ARHGAP21: variants seen among roughly 807,000 people sequenced by gnomAD.
ARHGAP21 encodes the protein rho GTPase-activating protein 21.
ARHGAP21 carries 38 observed loss-of-function variants against 164.6 expected under a neutral mutation model. That is an observed-to-expected ratio of 0.23 (90% CI 0.18 to 0.30). ARHGAP21 has a LOEUF of 0.30. Ranked by LOEUF, ARHGAP21 falls within the 10% of genes least tolerant of loss-of-function variation. The pLI is 1.00. For missense variants in ARHGAP21, 1,822 were observed against 2,370.7 expected, an observed-to-expected ratio of 0.77 and a Z score of 4.81; for synonymous variants, 766 against 857.9, an observed-to-expected ratio of 0.89 and a Z score of 1.87.
At chr10:24,647,857 C>A (rs1051200338) in intron 4 of ARHGAP21, among the ~76,000 whole-genome samples, 1 of 151,914 alleles carries the variant, frequency 6.6e-6, no homozygotes, top group Non-Finnish European at 1.5e-5. Context: ...TCTTTTTTCC[C>A]CAGACAGTCT....
chr10:24,722,226 C>T lies in ARHGAP21; in HGVS notation c.-327G>A. 1 of 372,470 alleles carries T rather than the reference C, an allele frequency of 2.7e-6. No individual in the cohort carries two copies. Among genetic ancestry groups the T allele is most frequent in the Non-Finnish European group, 5.1e-6 (1 of 195,136 alleles). The allele number at this position is 372,470 out of a possible 1,614,324, so 23.1% of individuals were successfully genotyped here. A position where few individuals can be genotyped will look rare whatever the true frequency, so the allele number is the denominator to read the frequency against. ...TTCTTCCCAGTGCCACTCCTGAGTC[C>T]TGGAAAAATCCGAATGGGTCGTGAA... On this transcript the variant is annotated 5_prime_UTR_variant, in exon 2 of 26. Transcript: ENST00000396432.
chr10:24,672,668 C>T (rs1209549521), intron 2 of ARHGAP21, among the ~76,000 whole-genome samples: 2 of 152,110 alleles, frequency 1.3e-5, no homozygotes, highest in Non-Finnish European at 2.9e-5. Context: ...ATTGCAAATG[C>T]TTGAATAGTC....
chr10:24,665,149 C>T (rs887666011), intron 4 of ARHGAP21, among the ~76,000 whole-genome samples: 1 of 152,090 alleles, frequency 6.6e-6, no homozygotes, highest in Non-Finnish European at 1.5e-5. Context: ...TTCCCTTTCC[C>T]CACTAAGGCT....
chr10:24,640,703 C>A (rs961480143), intron 4 of ARHGAP21, among the ~76,000 whole-genome samples: 5 of 151,954 alleles, frequency 3.3e-5, no homozygotes, highest in African/African-American at 7.3e-5. Context: ...GAAACCCCAA[C>A]ACAGACTGAA....
At chr10:24,612,699 A>T (rs1466016796) in intron 9 of ARHGAP21, among the ~76,000 whole-genome samples, 1 of 150,642 alleles carries the variant, frequency 6.6e-6, no homozygotes, top group South Asian at 2.2e-4. Context: ...CTAAAAATAC[A>T]AAAAAATTAG....
Position 24,619,685 on chromosome 10 carries a change from A to C in ARHGAP21, c.2210T>G (p.Leu737Arg), listed in dbSNP as rs148437259. Residue 737 changes from leucine to arginine, a missense_variant, in exon 9 of 26, where the codon CTA (leucine) becomes CGA (arginine). Leu to Arg is a moderately radical substitution (Grantham distance 102). Transcript: ENST00000396432. ...DTLDNKEAVI[L>R]REKPPSGRQT... ...GCGTCCAGATGGAGGTTTTTCCCTT[A>C]GGATGACAGCTTCTTTATTATCTAA... is the stretch of plus-strand genomic sequence containing the variant. 248 of 1,614,108 alleles carry C rather than the reference A, an allele frequency of 1.5e-4. No individual in the cohort carries two copies. The African/African-American group carries it at 3.1e-3, about 20-fold the overall frequency.
chr10:24,696,987 G>A (rs1401215452), intron 2 of ARHGAP21, among the ~76,000 whole-genome samples: 4 of 152,208 alleles, frequency 2.6e-5, no homozygotes, highest in Admixed American at 6.5e-5. Context: ...TAGGATCACA[G>A]AACAGCAGAG....
intron 2 of ARHGAP21, among the ~76,000 whole-genome samples, chr10:24,673,025 G>A (rs1840864775): frequency 1.3e-5 from 2 of 152,078 alleles, no homozygotes; most frequent in South Asian, 4.1e-4. Flanking sequence ...ACAAACTGAA[G>A]CTCCAAAACA....
intron 2 of ARHGAP21, among the ~76,000 whole-genome samples, chr10:24,705,648 T>C (rs557162496): frequency 1.3e-5 from 2 of 152,348 alleles, no homozygotes; most frequent in African/African-American, 2.4e-5. Flanking sequence ...TTATCATTCA[T>C]TGCTTTCAAT....
intron 7 of ARHGAP21, among the ~76,000 whole-genome samples, chr10:24,627,604 G>A (rs1014684829): frequency 6.6e-6 from 1 of 152,116 alleles, no homozygotes; most frequent in African/African-American, 2.4e-5. Flanking sequence ...GAGCCTTGAA[G>A]ATCTGCATGC....
chr10:24,609,458 G>T (rs1347151999), intron 9 of ARHGAP21, among the ~76,000 whole-genome samples: 4 of 152,174 alleles, frequency 2.6e-5, no homozygotes, highest in Non-Finnish European at 5.9e-5. Flanking sequence ...GAATGGAGAA[G>T]GCGTGGGAGA....
intron 4 of ARHGAP21, among the ~76,000 whole-genome samples, chr10:24,664,254 C>A (rs190493721): frequency 5.9e-5 from 9 of 152,088 alleles, no homozygotes; most frequent in African/African-American, 2.2e-4. Flanking sequence ...TACAGCCCAC[C>A]GTCAATAACA....
chr10:24,684,067 G>A (rs774856108), intron 2 of ARHGAP21, among the ~76,000 whole-genome samples: 11 of 152,110 alleles, frequency 7.2e-5, no homozygotes, highest in African/African-American at 2.4e-4. Context: ...TGGGCGGATC[G>A]CTTCAGGTCA....
intron 4 of ARHGAP21, among the ~76,000 whole-genome samples, chr10:24,666,240 C>A (rs1289885586): frequency 6.6e-6 from 1 of 152,152 alleles, no homozygotes; most frequent in South Asian, 2.1e-4. Flanking sequence ...CTGTGTTAGC[C>A]AGGATAGTCT....
intron 21 of ARHGAP21, among the ~76,000 whole-genome samples, chr10:24,592,232 C>T (rs577714588): frequency 6.4e-5 from 9 of 139,812 alleles, no homozygotes; most frequent in African/African-American, 2.2e-4. Context: ...GGCATGATCA[C>T]AGCTTACTGC....
At chr10:24,626,873 T>C (rs1835192610) in intron 7 of ARHGAP21, among the ~76,000 whole-genome samples, 1 of 152,214 alleles carries the variant, frequency 6.6e-6, no homozygotes, top group African/African-American at 2.4e-5. Context: ...ATTGTTAACC[T>C]AGAAAATATA....
intron 9 of ARHGAP21, among the ~76,000 whole-genome samples, chr10:24,615,192 AAAAC>A (rs2077426556): frequency 6.6e-6 from 1 of 152,218 alleles, no homozygotes; most frequent in Non-Finnish European, 1.5e-5. Context: ...TTCCGTCTCA[AAAAC>A]AAACAAAAAA....
chr10:24,618,685 T>C (rs1163796706), intron 9 of ARHGAP21, among the ~76,000 whole-genome samples: 4 of 152,212 alleles, frequency 2.6e-5, no homozygotes, highest in South Asian at 2.1e-4. Flanking sequence ...ACATGGAAGA[T>C]TGTGATAGGA....
chr10:24,693,954 T>C (rs1842943600), intron 2 of ARHGAP21, among the ~76,000 whole-genome samples: 1 of 152,216 alleles, frequency 6.6e-6, no homozygotes, highest in African/African-American at 2.4e-5. Flanking sequence ...AACACAGACA[T>C]ACATGTTCAC....
Sources: allele counts gnomAD v4.1 joint callset (sites outside exome capture counted in the v4.1 genomes callset), GRCh38; gene constraint gnomAD v4.1.1; transcripts MANE v1.5; gene names NCBI Gene and HGNC (gene_info 2026-07-23, HGNC 2026-07-21).